LRRTM3: variants seen among roughly 807,000 people sequenced by gnomAD.
The protein encoded by LRRTM3 is leucine rich repeat transmembrane neuronal 3.
In LRRTM3, 24 loss-of-function variants were observed where a neutral mutation model predicts 44.7. The observed-to-expected ratio is 0.54, with a 90% confidence interval of 0.39 to 0.76. LRRTM3 has a LOEUF of 0.76. Ranked by LOEUF, LRRTM3 falls within the 30% of genes least tolerant of loss-of-function variation. The pLI is 0.00. For missense variants in LRRTM3, 587 were observed against 702.2 expected, an observed-to-expected ratio of 0.84 and a Z score of 1.85; for synonymous variants, 277 against 278.7, an observed-to-expected ratio of 0.99 and a Z score of 0.06.
intron 2 of LRRTM3, among the ~76,000 whole-genome samples, chr10:66,973,920 C>G (rs890300073): frequency 1.3e-5 from 2 of 152,168 alleles, no homozygotes; most frequent in Admixed American, 6.5e-5. Flanking sequence ...CCGCGTCCAG[C>G]CTTATTTATT....
intron 2 of LRRTM3, among the ~76,000 whole-genome samples, chr10:67,026,995 A>G (rs1485318667): frequency 6.6e-6 from 1 of 152,216 alleles, no homozygotes; most frequent in East Asian, 1.9e-4. Context: ...CAGAAAATAA[A>G]TGATGATAAA....
At position 66,996,649 on chromosome 10, in the gene LRRTM3, C is replaced by CAAAAAAAAAAAAAA. The variant is rs57025097; in HGVS notation, c.1536+68206_1536+68219dup. Among the ~76,000 whole-genome samples the CAAAAAAAAAAAAAA allele has an allele frequency of 8.0e-3, 544 of 67,632 alleles. 110 individuals are homozygous for CAAAAAAAAAAAAAA. Among genetic ancestry groups the CAAAAAAAAAAAAAA allele is most frequent in the Admixed American group, 0.047 (173 of 3,662 alleles). 44.4% of individuals were successfully genotyped at this position (67,632 alleles called of 152,430 possible). A position where few individuals can be genotyped will look rare whatever the true frequency, so the allele number is the denominator to read the frequency against. On this transcript the variant is annotated intron_variant, in intron 2 of 2. Transcript: ENST00000361320. Reference sequence around the variant, plus strand: ...GTGAGAGAGTGAGACTCCGTCTCTACAAAAAAAAAAAAAAAAAAAAAAGCA... The same window carrying CAAAAAAAAAAAAAA: ...GTGAGAGAGTGAGACTCCGTCTCTACAAAAAAAAAAAAAAAAAAAAAAAAAAAAAAAAAAAAGCA...
At chr10:67,097,172 T>C (rs1858049529) in intron 2 of LRRTM3, among the ~76,000 whole-genome samples, 1 of 151,820 alleles carries the variant, frequency 6.6e-6, no homozygotes, top group Non-Finnish European at 1.5e-5. Flanking sequence ...AATGCTAAAG[T>C]TTGAGAATCA....
intron 2 of LRRTM3, among the ~76,000 whole-genome samples, chr10:66,953,713 T>C (rs906454501): frequency 6.6e-6 from 1 of 152,204 alleles, no homozygotes; most frequent in African/African-American, 2.4e-5. Context: ...ATCATCCAGA[T>C]TGTGCTTCTG....
intron 2 of LRRTM3, among the ~76,000 whole-genome samples, chr10:66,934,858 G>T (rs552417355): frequency 6.6e-6 from 1 of 152,112 alleles, no homozygotes; most frequent in Non-Finnish European, 1.5e-5. Flanking sequence ...ATGCAGGGTG[G>T]AAAATACATT....
At chr10:67,066,149 T>A (rs932281872) in intron 2 of LRRTM3, among the ~76,000 whole-genome samples, 2 of 151,646 alleles carry the variant, frequency 1.3e-5, no homozygotes, top group African/African-American at 2.4e-5. Flanking sequence ...CCATCACCAG[T>A]GCTCGTTTCC....
intron 2 of LRRTM3, among the ~76,000 whole-genome samples, chr10:66,942,917 C>T (rs907990191): frequency 6.6e-6 from 1 of 152,126 alleles, no homozygotes; most frequent in Non-Finnish European, 1.5e-5. Context: ...CAAAGAGTTA[C>T]AAAGGAAGAA....
At chr10:67,027,471 G>A (rs542065055) in intron 2 of LRRTM3, among the ~76,000 whole-genome samples, 2 of 130,254 alleles carry the variant, frequency 1.5e-5, no homozygotes, top group African/African-American at 5.8e-5. Flanking sequence ...GTCTCGCTCT[G>A]TCACCCAGGC....
intron 2 of LRRTM3, among the ~76,000 whole-genome samples, chr10:67,096,786 A>T (rs1176296885): frequency 4.0e-5 from 6 of 151,842 alleles, no homozygotes; most frequent in African/African-American, 1.4e-4. Context: ...TTCCTCATGT[A>T]TACTACTGGT....
chr10:66,930,377 A>G (rs191818496), intron 2 of LRRTM3, among the ~76,000 whole-genome samples: 1 of 152,282 alleles, frequency 6.6e-6, no homozygotes, highest in Admixed American at 6.5e-5. Flanking sequence ...TGGATGACTG[A>G]GCTTATTGTG....
chr10:67,079,081 A>G (rs1856896814), intron 2 of LRRTM3, among the ~76,000 whole-genome samples: 1 of 152,186 alleles, frequency 6.6e-6, no homozygotes, highest in Non-Finnish European at 1.5e-5. Flanking sequence ...AATAATTCAT[A>G]ATATCTGGGA....
chr10:67,006,100 A>G (rs1040928407), intron 2 of LRRTM3, among the ~76,000 whole-genome samples: 22 of 152,170 alleles, frequency 1.4e-4, no homozygotes, highest in African/African-American at 4.8e-4. Context: ...CAGGTACTTT[A>G]CAAACAACTT....
intron 2 of LRRTM3, among the ~76,000 whole-genome samples, chr10:67,026,507 G>A (rs917569564): frequency 2.6e-5 from 4 of 152,008 alleles, no homozygotes; most frequent in Non-Finnish European, 4.4e-5. Flanking sequence ...ATATGGAAAA[G>A]TTTTAAATCT....
At chr10:67,028,406 T>A (rs1051927318) in intron 2 of LRRTM3, among the ~76,000 whole-genome samples, 1 of 152,026 alleles carries the variant, frequency 6.6e-6, no homozygotes, top group Non-Finnish European at 1.5e-5. Context: ...ATTTAACATT[T>A]CTCAACCAAA....
At chr10:66,994,197 A>T (rs116774232) in intron 2 of LRRTM3, among the ~76,000 whole-genome samples, 1,676 of 152,314 alleles carry the variant, frequency 0.011, 26 homozygotes, top group African/African-American at 0.038. Flanking sequence ...GTAAAGGAGC[A>T]ACTACCCAGG....
At chr10:67,006,299 A>C (rs1851984617) in intron 2 of LRRTM3, among the ~76,000 whole-genome samples, 1 of 152,102 alleles carries the variant, frequency 6.6e-6, no homozygotes, top group Non-Finnish European at 1.5e-5. Flanking sequence ...TGGTGTGATA[A>C]AGAGGTATGC....
chr10:67,088,438 T>C (rs1364027780), intron 2 of LRRTM3, among the ~76,000 whole-genome samples: 1 of 151,870 alleles, frequency 6.6e-6, no homozygotes, highest in Non-Finnish European at 1.5e-5. Context: ...CAAAATATAT[T>C]CAAAAGTGGC....
In LRRTM3 at chr10:67,098,819, C is replaced by G. The variant is rs148858914; in HGVS notation, c.*1023C>G. The G allele has an allele frequency of 1.3e-5, 2 of 151,786 alleles. No homozygotes were observed. The highest frequency in any genetic ancestry group is 2.9e-5 in the Non-Finnish European group (2 of 67,872). The allele number at this position is 151,786 out of a possible 1,614,324, so 9.4% of individuals were successfully genotyped here. ...AGTAGCAATTTTTATCCTAATTAACCCATAGCGGTTTACCTAAAAGTAACC... is the reference window on the plus strand; with the variant it reads ...AGTAGCAATTTTTATCCTAATTAACGCATAGCGGTTTACCTAAAAGTAACC... On this transcript the variant is annotated 3_prime_UTR_variant, in exon 3 of 3. Coordinates refer to ENST00000361320, the MANE Select transcript of LRRTM3 (RefSeq NM_178011.5).
At position 67,100,413 on chromosome 10, in the gene LRRTM3, G is replaced by A. The variant is rs1858274239; in HGVS notation, c.*2617G>A. On this transcript the variant is annotated 3_prime_UTR_variant, in exon 3 of 3. Coordinates refer to ENST00000361320, the MANE Select transcript of LRRTM3 (RefSeq NM_178011.5). ...ATTATTTTTGCTTAATTTTTATTTT[G>A]CCATGTCCAGGTTAAGGGTGAGGGT... 6.6e-6 allele frequency among the ~76,000 whole-genome samples: 1 copy of A among 151,632 alleles called. No homozygotes were observed. The highest frequency in any genetic ancestry group is 1.5e-5 in the Non-Finnish European group (1 of 67,772).
Sources: allele counts gnomAD v4.1 joint callset (sites outside exome capture counted in the v4.1 genomes callset), GRCh38; gene constraint gnomAD v4.1.1; transcripts MANE v1.5; gene names NCBI Gene and HGNC (gene_info 2026-07-23, HGNC 2026-07-21).